The following AUNIP variants were observed in gnomAD, a reference collection of about 807,000 sequenced individuals.
AUNIP encodes aurora kinase A- and ninein-interacting protein.
AUNIP carries 16 observed loss-of-function variants against 12.2 expected under a neutral mutation model. The ratio of observed to expected loss-of-function variants is 1.31; its 90% CI spans 0.88 to 1.99. AUNIP has a LOEUF of 1.99. Among genes scored for constraint, AUNIP ranks in the 30% most tolerant of loss-of-function variants. The pLI is 0.00. For missense variants in AUNIP, 411 were observed against 419.1 expected, an observed-to-expected ratio of 0.98 and a Z score of 0.17; for synonymous variants, 142 against 154.8, an observed-to-expected ratio of 0.92 and a Z score of 0.61.
At chr1:25,858,445 G>GT (rs1394832694) in intron 1 of AUNIP, among the ~76,000 whole-genome samples, 1 of 152,186 alleles carries the variant, frequency 6.6e-6, no homozygotes, top group Non-Finnish European at 1.5e-5. Context: ...TTTTCCGTAT[G>GT]TAAAATGGGT....
downstream of AUNIP, chr1:25,832,845 A>C (rs921155101): frequency 6.5e-6 from 1 of 153,718 alleles, no homozygotes; most frequent in African/African-American, 2.4e-5. Flanking sequence ...TGCATGACTC[A>C]GATGCCCTCA....
rs540276300 is a variant in AUNIP at position 25,840,386 on chromosome 1, G to A, written c.79-2832C>T. ...AAGCAAAGTCTTAGTGAGATATAAA[G>A]CATACATATAATTAGTCTCAAAAAA... On this transcript the variant is annotated intron_variant, in intron 1 of 2. Coordinates refer to ENST00000374298, the MANE Select transcript of AUNIP (RefSeq NM_024037.3). 2.0e-4 allele frequency among the ~76,000 whole-genome samples: 31 copies of A among 152,212 alleles called. No individual in the cohort carries two copies. The South Asian group carries it at 6.2e-3, about 30-fold the overall frequency.
At position 25,834,962 on chromosome 1, in the gene AUNIP, A is replaced by C; in HGVS notation, c.*31T>G. On this transcript the variant is annotated 3_prime_UTR_variant, in exon 3 of 3. Transcript: ENST00000374298. Reference sequence around the variant, plus strand: ...TATTTTCCTACATCTCTATCATTTCAAGGTACTTTTAGAAACAAAGCTTCA... The same window carrying C: ...TATTTTCCTACATCTCTATCATTTCCAGGTACTTTTAGAAACAAAGCTTCA... 1.3e-6 allele frequency: 2 copies of C among 1,581,616 alleles called. No individual in the cohort carries two copies. The highest frequency in any genetic ancestry group is 1.7e-6 in the Non-Finnish European group (2 of 1,164,798).
At chr1:25,851,614 G>C (rs2048424565) in intron 1 of AUNIP, among the ~76,000 whole-genome samples, 1 of 152,166 alleles carries the variant, frequency 6.6e-6, no homozygotes, top group Non-Finnish European at 1.5e-5. Flanking sequence ...ACAGTCAGTT[G>C]ATTTTTATCT....
intron 1 of AUNIP, among the ~76,000 whole-genome samples, chr1:25,856,093 G>C (rs1286113633): frequency 6.6e-6 from 1 of 152,154 alleles, no homozygotes; most frequent in Non-Finnish European, 1.5e-5. Flanking sequence ...GACCAGGCAC[G>C]GTGGCTCATG....
rs2048278813 is a variant in AUNIP at position 25,834,228 on chromosome 1, TGTG to T, written c.*762_*764del. The T allele has an allele frequency of 1.0e-6, 1 of 985,314 alleles. No homozygotes were observed. The allele number at this position is 985,314 out of a possible 1,614,324, so 61.0% of individuals were successfully genotyped here. A position where few individuals can be genotyped will look rare whatever the true frequency, so the allele number is the denominator to read the frequency against. On this transcript the variant is annotated 3_prime_UTR_variant, in exon 3 of 3. Coordinates refer to ENST00000374298, the MANE Select transcript of AUNIP (RefSeq NM_024037.3). ...ACCTCTCTTCTCTCCACACCTGGGTTGTGGGGAGATTTGCTAATCACTGAAAAA... is the reference window on the plus strand; with the variant it reads ...ACCTCTCTTCTCTCCACACCTGGGTTGGGAGATTTGCTAATCACTGAAAAA...
intron 1 of AUNIP, 136 bp downstream of exon 1, chr1:25,859,144 G>T: frequency 1.1e-6 from 1 of 923,362 alleles, no homozygotes. Flanking sequence ...CCTCTCGCCT[G>T]TGAATCCCCA....
At chr1:25,856,392 A>T (rs2048461114) in intron 1 of AUNIP, among the ~76,000 whole-genome samples, 1 of 151,162 alleles carries the variant, frequency 6.6e-6, no homozygotes, top group Admixed American at 6.6e-5. Context: ...CAAACAATAA[A>T]ACAAGATTAG....
chr1:25,853,871 C>G (rs1230428822), intron 1 of AUNIP, among the ~76,000 whole-genome samples: 1 of 152,060 alleles, frequency 6.6e-6, no homozygotes, highest in Admixed American at 6.6e-5. Context: ...CATTTATGAC[C>G]CAATCTGAAA....
intron 1 of AUNIP, among the ~76,000 whole-genome samples, chr1:25,840,159 T>C (rs537569523): frequency 2.6e-4 from 39 of 152,008 alleles, no homozygotes; most frequent in Non-Finnish European, 5.3e-4. Flanking sequence ...TAACTTAAAA[T>C]AGTTGGAATA....
downstream of AUNIP, chr1:25,833,872 G>A (rs1468295985): frequency 1.2e-5 from 4 of 334,676 alleles, no homozygotes; most frequent in Non-Finnish European, 1.7e-5. Flanking sequence ...AAGGAATAAT[G>A]CCTTGGGTAG....
At chr1:25,833,594 T>G (rs1375030855), downstream of AUNIP, among the ~76,000 whole-genome samples, 1 of 151,812 alleles carries the variant, frequency 6.6e-6, no homozygotes, top group Non-Finnish European at 1.5e-5. Context: ...CTACAAAATA[T>G]TTTAAAAATA....
At chr1:25,857,081 G>A (rs976194672) in intron 1 of AUNIP, among the ~76,000 whole-genome samples, 3 of 152,016 alleles carry the variant, frequency 2.0e-5, no homozygotes, top group Non-Finnish European at 4.4e-5. Flanking sequence ...TTACGCCACC[G>A]CACTCTAGCC....
intron 1 of AUNIP, among the ~76,000 whole-genome samples, chr1:25,851,696 A>G (rs1232809382): frequency 6.6e-6 from 1 of 151,360 alleles, no homozygotes; most frequent in Non-Finnish European, 1.5e-5. Context: ...AGTTATCTAA[A>G]TGTGTTAGCA....
intron 1 of AUNIP, among the ~76,000 whole-genome samples, chr1:25,855,591 C>G (rs1285405077): frequency 6.6e-6 from 1 of 152,158 alleles, no homozygotes; most frequent in Non-Finnish European, 1.5e-5. Flanking sequence ...CAAACTCACT[C>G]CAAACATAGA....
intron 1 of AUNIP, among the ~76,000 whole-genome samples, chr1:25,839,214 C>A (rs192892656): frequency 2.0e-4 from 30 of 152,286 alleles, no homozygotes; most frequent in Non-Finnish European, 4.1e-4. Flanking sequence ...GCTTTGCAGA[C>A]CACAATGTAT....
At chr1:25,841,639 T>C (rs2048348034) in intron 1 of AUNIP, among the ~76,000 whole-genome samples, 1 of 152,030 alleles carries the variant, frequency 6.6e-6, no homozygotes, top group Non-Finnish European at 1.5e-5. Context: ...TTCTCCTGCC[T>C]CAGCCTCCCG....
At position 25,859,440 on chromosome 1, in the gene AUNIP, T is replaced by A; in HGVS notation, c.-83A>T. 2 of 1,293,006 alleles carry A rather than the reference T, an allele frequency of 1.5e-6. No individual in the cohort carries two copies. The highest frequency in any genetic ancestry group is 2.0e-6 in the Non-Finnish European group (2 of 987,600). The allele number at this position is 1,293,006 out of a possible 1,614,324, so 80.1% of individuals were successfully genotyped here. On this transcript the variant is annotated 5_prime_UTR_variant, in exon 1 of 3. Coordinates refer to ENST00000374298, the MANE Select transcript of AUNIP (RefSeq NM_024037.3). ...AACGCCAGAACCGCGGCCGCCGACGTTCGGATCTCGCGCCAACGCTGGGGG... is the reference window on the plus strand; with the variant it reads ...AACGCCAGAACCGCGGCCGCCGACGATCGGATCTCGCGCCAACGCTGGGGG...
intron 1 of AUNIP, among the ~76,000 whole-genome samples, chr1:25,837,989 C>G (rs1165177357): frequency 6.6e-6 from 1 of 151,994 alleles, no homozygotes; most frequent in Non-Finnish European, 1.5e-5. Context: ...GCCTGTAATC[C>G]CAGCACTTTG....
Sources: allele counts gnomAD v4.1 joint callset (sites outside exome capture counted in the v4.1 genomes callset), GRCh38; gene constraint gnomAD v4.1.1; transcripts MANE v1.5; gene names NCBI Gene and HGNC (gene_info 2026-07-23, HGNC 2026-07-21).